The following UQCRC2 variants were observed in gnomAD, a reference collection of about 807,000 sequenced individuals.
UQCRC2 encodes the protein ubiquinol-cytochrome c reductase core protein 2.
In UQCRC2, 49 loss-of-function variants were observed where a neutral mutation model predicts 55.6. That is an observed-to-expected ratio of 0.88 (90% confidence interval 0.70 to 1.12). The LOEUF is 1.12. Ranked by LOEUF, UQCRC2 falls within the 50% of genes most tolerant of loss-of-function variation. UQCRC2 has a pLI of 0.00. For synonymous variants in UQCRC2, 193 were observed against 192.0 expected, an observed-to-expected ratio of 1.01 and a Z score of -0.04; for missense variants, 506 against 547.8, an observed-to-expected ratio of 0.92 and a Z score of 0.76.
chr16:21,964,928 C>G (rs1226252391), intron 6 of UQCRC2, among the ~76,000 whole-genome samples: 1 of 152,192 alleles, frequency 6.6e-6, no homozygotes, highest in South Asian at 2.1e-4. Context: ...GGGAAAGCAC[C>G]AAGCACCACA....
chr16:21,956,118 C>T (rs1251238677), intron 1 of UQCRC2, among the ~76,000 whole-genome samples: 1 of 152,192 alleles, frequency 6.6e-6, no homozygotes, highest in Non-Finnish European at 1.5e-5. Context: ...AGCCACCGCA[C>T]CCGGCTAGTT....
chr16:21,970,805 C>G (rs917432672), intron 8 of UQCRC2, among the ~76,000 whole-genome samples: 1 of 152,042 alleles, frequency 6.6e-6, no homozygotes, highest in African/African-American at 2.4e-5. Flanking sequence ...GGACTGGTCT[C>G]GAACTCCTGA....
chr16:21,982,955 C>T (rs1320884983), intron 13 of UQCRC2, 133 bp from the exon 14 acceptor site: 5 of 802,026 alleles, frequency 6.2e-6, no homozygotes, highest in Non-Finnish European at 7.6e-6. Context: ...CAGAGCGAGA[C>T]TCCACCTCAA....
intron 7 of UQCRC2, among the ~76,000 whole-genome samples, chr16:21,966,730 T>TTTA (rs1472945446): frequency 6.6e-6 from 1 of 152,230 alleles, no homozygotes; most frequent in African/African-American, 2.4e-5. Flanking sequence ...TGGACTCTAA[T>TTTA]GAGTTTTGAA....
intron 7 of UQCRC2, among the ~76,000 whole-genome samples, 196 bp downstream of exon 7, chr16:21,965,701 A>G (rs1309672078): frequency 1.3e-5 from 2 of 152,206 alleles, no homozygotes; most frequent in African/African-American, 4.8e-5. Flanking sequence ...AAATGTTTTC[A>G]TGACTAAAGG....
Position 21,972,116 on chromosome 16 carries a change from A to G in UQCRC2, c.960A>G (p.Pro320=). The G allele has an allele frequency of 2.5e-6, 4 of 1,613,112 alleles. No individual in the cohort carries two copies. In the Admixed American group the frequency reaches 5.0e-5, roughly 20 times the overall value. Residue 320 remains proline (P), a synonymous_variant, in exon 10 of 14, where the codon CCA becomes CCG. Transcript: ENST00000268379. Reference sequence around the variant, plus strand: ...CTGTTGCCAAGGCAACTCAGCAGCCATTTGATGTGAGTCTGAACAGTTGGT... The same window carrying G: ...CTGTTGCCAAGGCAACTCAGCAGCCGTTTGATGTGAGTCTGAACAGTTGGT... ...HQAVAKATQQ[P]FDVSAFNASY...
intron 13 of UQCRC2, among the ~76,000 whole-genome samples, chr16:21,982,640 C>T (rs1898760313): frequency 6.6e-6 from 1 of 152,192 alleles, no homozygotes; most frequent in Non-Finnish European, 1.5e-5. Flanking sequence ...TTAATTTTCA[C>T]AACAGCTATT....
intron 9 of UQCRC2, 145 bp downstream of exon 9, chr16:21,971,765 T>C: frequency 7.6e-7 from 1 of 1,319,998 alleles, no homozygotes; most frequent in Non-Finnish European, 1.1e-6. Context: ...ATTTTGAGCA[T>C]ATGTTTTGTG....
At chr16:21,964,621 C>T (rs1898282258) in intron 6 of UQCRC2, among the ~76,000 whole-genome samples, 1 of 152,086 alleles carries the variant, frequency 6.6e-6, no homozygotes, top group South Asian at 2.1e-4. Flanking sequence ...AAATGATTTC[C>T]CCTGGGAAAC....
At chr16:21,977,606 G>A (rs1346459941) in intron 12 of UQCRC2, among the ~76,000 whole-genome samples, 2 of 152,134 alleles carry the variant, frequency 1.3e-5, no homozygotes, top group African/African-American at 2.4e-5. Flanking sequence ...TTAGTAGTTC[G>A]AGGGTTTCTC....
chr16:21,971,793 T>C lies in UQCRC2; in HGVS notation c.767-130T>C. On this transcript the variant is annotated intron_variant, in intron 9 of 13. Transcript: ENST00000268379. ...GTTTTGTGTGTGTTTGGGGACAGGA[T>C]GGCATGGGGAAAGCACCGAGCTGCA... 2.9e-6 allele frequency: 4 copies of C among 1,374,890 alleles called. 1 individual carries two copies. In the South Asian group the frequency reaches 5.1e-5, roughly 17 times the overall value. 85.2% of individuals were successfully genotyped at this position (1,374,890 alleles called of 1,614,324 possible). A position where few individuals can be genotyped will look rare whatever the true frequency, so the allele number is the denominator to read the frequency against.
intron 8 of UQCRC2, among the ~76,000 whole-genome samples, chr16:21,970,057 G>A (rs1031820984): frequency 2.0e-5 from 3 of 152,020 alleles, no homozygotes; most frequent in Admixed American, 6.6e-5. Flanking sequence ...TATAAATGGA[G>A]TCATACGATA....
At chr16:21,966,159 A>AT (rs1555514948) in intron 7 of UQCRC2, among the ~76,000 whole-genome samples, 34 of 135,154 alleles carry the variant, frequency 2.5e-4, no homozygotes, top group African/African-American at 9.1e-4. Flanking sequence ...ACAAAAAAAA[A>AT]ATATATATAT....
chr16:21,957,680 A>G, intron 3 of UQCRC2, 114 bp downstream of exon 3: 2 of 1,425,478 alleles, frequency 1.4e-6, no homozygotes, highest in Non-Finnish European at 1.9e-6. Context: ...TGCCATAACA[A>G]ATTACCACGG....
intron 13 of UQCRC2, among the ~76,000 whole-genome samples, chr16:21,981,844 C>CTTTTT (rs1245008218): frequency 7.0e-6 from 1 of 142,180 alleles, no homozygotes; most frequent in East Asian, 2.1e-4. Context: ...TCATACTCTT[C>CTTTTT]TTTTTTTTTT....
intron 1 of UQCRC2, among the ~76,000 whole-genome samples, chr16:21,954,331 A>T (rs1455549011): frequency 6.6e-6 from 1 of 152,198 alleles, no homozygotes; most frequent in Non-Finnish European, 1.5e-5. Flanking sequence ...ACCTGTGTTG[A>T]GAAACCCCCC....
At chr16:21,966,647 T>C (rs1193857647) in intron 7 of UQCRC2, among the ~76,000 whole-genome samples, 1 of 152,258 alleles carries the variant, frequency 6.6e-6, no homozygotes, top group African/African-American at 2.4e-5. Context: ...ATGCCTTTCA[T>C]TCATATGGCA....
chr16:21,963,863 T>A, intron 6 of UQCRC2, among the ~76,000 whole-genome samples: 1 of 152,224 alleles, frequency 6.6e-6, no homozygotes, highest in East Asian at 1.9e-4. Context: ...GCTATTATTG[T>A]TTAGCCATCT....
Position 21,962,965 on chromosome 16 carries a change from C to G in UQCRC2, c.514+80C>G, listed in dbSNP as rs186203192. On this transcript the variant is annotated intron_variant, in intron 6 of 13. Transcript: ENST00000268379. ...TCAATTTATAGAAGAAAAAAAATTG[C>G]TGTCAAAATTTTTATTTTTATTTTT... 22 of 1,481,246 alleles carry G rather than the reference C, an allele frequency of 1.5e-5. No individual in the cohort carries two copies. In the Admixed American group the frequency reaches 3.7e-4, roughly 25 times the overall value. The allele number at this position is 1,481,246 out of a possible 1,614,324, so 91.8% of individuals were successfully genotyped here.
Sources: allele counts gnomAD v4.1 joint callset (sites outside exome capture counted in the v4.1 genomes callset), GRCh38; gene constraint gnomAD v4.1.1; transcripts MANE v1.5; gene names NCBI Gene and HGNC (gene_info 2026-07-23, HGNC 2026-07-21).